The following ALPK2 variants were observed in gnomAD, a reference collection of about 807,000 sequenced individuals.
ALPK2 encodes the protein alpha kinase 2, also known as alpha-protein kinase 2.
Under a neutral mutation model 163.1 loss-of-function variants are expected in ALPK2, and 127 were observed. That is an observed-to-expected ratio of 0.78 (90% CI 0.67 to 0.90). The LOEUF (loss-of-function observed/expected upper bound fraction) is 0.90. Among genes scored for constraint, ALPK2 ranks in the 40% least tolerant of loss-of-function variants. The pLI, the probability that ALPK2 is intolerant of heterozygous loss-of-function variation, is 0.00. For missense variants in ALPK2, 2,360 were observed against 2,589.6 expected, an observed-to-expected ratio of 0.91 and a Z score of 1.92; for synonymous variants, 953 against 959.1, an observed-to-expected ratio of 0.99 and a Z score of 0.12.
At chr18:58,588,921 A>C (rs1325830550) in intron 3 of ALPK2, among the ~76,000 whole-genome samples, 1 of 152,168 alleles carries the variant, frequency 6.6e-6, no homozygotes, top group Non-Finnish European at 1.5e-5. Context: ...TTTGTAATAG[A>C]ATGATTTATA....
chr18:58,500,177 C>T (rs961469245), intron 11 of ALPK2, among the ~76,000 whole-genome samples: 2 of 150,172 alleles, frequency 1.3e-5, no homozygotes, highest in South Asian at 2.1e-4. Context: ...TTCAAAGCCG[C>T]TAATAACTCA....
intron 6 of ALPK2, 147 bp downstream of exon 6, chr18:58,528,944 T>G (rs1044334376): frequency 2.9e-5 from 28 of 961,944 alleles, no homozygotes; most frequent in Non-Finnish European, 4.2e-5. Flanking sequence ...CTTCCGATAT[T>G]TAGTCTTTTT....
intron 3 of ALPK2, among the ~76,000 whole-genome samples, chr18:58,588,273 C>T (rs1207790422): frequency 6.6e-6 from 1 of 152,152 alleles, no homozygotes; most frequent in African/African-American, 2.4e-5. Context: ...TATGGAAATG[C>T]AGAATTCTAT....
At chr18:58,483,529 CTTTATTTATTTA>C (rs144938882) in intron 12 of ALPK2, among the ~76,000 whole-genome samples, 24 of 142,848 alleles carry the variant, frequency 1.7e-4, no homozygotes, top group South Asian at 4.7e-4. Flanking sequence ...GTCCTACTCA[CTTTATTTATTTA>C]TTTATTTATT....
intron 8 of ALPK2, among the ~76,000 whole-genome samples, chr18:58,519,670 T>G (rs2051539451): frequency 6.6e-6 from 1 of 152,316 alleles, no homozygotes; most frequent in Non-Finnish European, 1.5e-5. Context: ...AAAAAAAATC[T>G]TAGACGTATT....
chr18:58,611,210 G>A (rs1034565689), intron 2 of ALPK2, among the ~76,000 whole-genome samples: 6 of 151,318 alleles, frequency 4.0e-5, no homozygotes, highest in South Asian at 2.1e-4. Context: ...CCCAGGAGGC[G>A]GGGGTGGCAG....
At position 58,580,368 on chromosome 18, in the gene ALPK2, C is replaced by A. The variant is rs9944810; in HGVS notation, c.408G>T (p.Arg136Ser). 797,029 of 1,613,814 alleles carry A rather than the reference C, an allele frequency of 0.49. 198,862 individuals carry two copies. Among genetic ancestry groups the A allele is most frequent in the East Asian group, 0.58 (26,168 of 44,862 alleles). ...GTTCCTTCTCATCAATCTGATTTGC[C>A]CTTTCTTCTTCATGTGTCCCTGTTT... ...KHETGTHEEE[R>S]ANQIDEKEHP... The change falls in exon 4 of 13, where the codon AGG becomes AGT. Residue 136 changes from arginine (R) to serine (S), a missense_variant. Transcript: ENST00000361673.
chr18:58,625,643 G>A (rs1272825802), intron 1 of ALPK2, among the ~76,000 whole-genome samples: 1 of 152,170 alleles, frequency 6.6e-6, no homozygotes, highest in Non-Finnish European at 1.5e-5. Context: ...TTAAACTAGG[G>A]GTTGAGGAGC....
intron 8 of ALPK2, 96 bp from the exon 9 acceptor site, chr18:58,517,278 C>G: frequency 7.6e-7 from 1 of 1,310,034 alleles, no homozygotes; most frequent in East Asian, 2.5e-5. Context: ...AGGACAATGA[C>G]AAGGCTGACC....
intron 4 of ALPK2, among the ~76,000 whole-genome samples, chr18:58,542,203 C>T (rs1358191164): frequency 6.6e-6 from 1 of 152,194 alleles, no homozygotes; most frequent in Non-Finnish European, 1.5e-5. Flanking sequence ...CCACGGGTAA[C>T]CTCTTTAGCT....
chr18:58,552,277 A>G (rs1417421144), intron 4 of ALPK2, among the ~76,000 whole-genome samples: 1 of 152,184 alleles, frequency 6.6e-6, no homozygotes, highest in Non-Finnish European at 1.5e-5. Context: ...GGGCGGGGGA[A>G]TATAATTTTT....
In ALPK2 at chr18:58,534,906, G is replaced by A; in HGVS notation, c.5281C>T (p.Leu1761Phe). Reference protein sequence around the residue: ...NSAFLKKMPKLETSLSHTEEK... With the variant: ...NSAFLKKMPKFETSLSHTEEK... ...TCTGTGTGTGATAATGATGTTTCGA[G>A]TTTGGGCATCTTTTTAAGAAAGGCT... The change falls in exon 5 of 13, where the codon CTC becomes TTC. Residue 1761 changes from leucine (L) to phenylalanine (F), a missense_variant. Coordinates refer to ENST00000361673, the MANE Select transcript of ALPK2 (RefSeq NM_052947.4). The A allele has an allele frequency of 6.2e-7, 1 of 1,614,108 alleles. No homozygotes were observed.
Position 58,536,785 on chromosome 18 carries a change from C to T in ALPK2, c.3402G>A (p.Lys1134=), listed in dbSNP as rs35791514. 21 of 1,614,096 alleles carry T rather than the reference C, an allele frequency of 1.3e-5. No individual in the cohort carries two copies. The highest frequency in any genetic ancestry group is 8.3e-5 in the Admixed American group (5 of 60,012). ...ACAGGCTCTGCTGCTGGACCCCCTG[C>T]TTTGTTTCACTTCCTCTTTCTTGGA... ...ENFQERGSET[K]QGVQQQSLSQ... is the part of the protein sequence containing the mutation. Residue 1134 remains lysine (K), a synonymous_variant, in exon 5 of 13, where the codon AAG becomes AAA. Coordinates refer to ENST00000361673, the MANE Select transcript of ALPK2 (RefSeq NM_052947.4).
intron 1 of ALPK2, among the ~76,000 whole-genome samples, chr18:58,624,832 G>A (rs562809084): frequency 3.9e-5 from 6 of 152,270 alleles, no homozygotes; most frequent in African/African-American, 1.4e-4. Context: ...CTATCATTTG[G>A]CTCTCCATTC....
At chr18:58,558,548 G>A (rs1200801115) in intron 4 of ALPK2, among the ~76,000 whole-genome samples, 1 of 152,202 alleles carries the variant, frequency 6.6e-6, no homozygotes, top group Non-Finnish European at 1.5e-5. Context: ...TACACATCGA[G>A]TTACCCAGCA....
At chr18:58,526,859 T>C (rs2051587473) in intron 6 of ALPK2, among the ~76,000 whole-genome samples, 1 of 152,242 alleles carries the variant, frequency 6.6e-6, no homozygotes, top group South Asian at 2.1e-4. Context: ...AACAGGATCA[T>C]TGAGGATGAT....
intron 2 of ALPK2, 45 bp downstream of exon 2, chr18:58,611,644 G>T: frequency 6.5e-7 from 1 of 1,528,932 alleles, no homozygotes; most frequent in Non-Finnish European, 9.0e-7. Context: ...AACCTGGTAT[G>T]CAGGGAGATT....
At chr18:58,524,514 A>G (rs2051573887) in intron 6 of ALPK2, among the ~76,000 whole-genome samples, 1 of 152,202 alleles carries the variant, frequency 6.6e-6, no homozygotes, top group Non-Finnish European at 1.5e-5. Flanking sequence ...GCCCCTTTGT[A>G]ATAGTGTCCT....
chr18:58,508,175 T>A (rs1425863572), intron 10 of ALPK2, among the ~76,000 whole-genome samples: 3 of 152,068 alleles, frequency 2.0e-5, no homozygotes, highest in Non-Finnish European at 4.4e-5. Context: ...CTACTAATAA[T>A]AAACAATCCC....
Sources: gnomAD v4.1 joint callset for allele counts (sites outside exome capture counted in the v4.1 genomes callset) on GRCh38, gnomAD v4.1.1 for gene constraint, MANE v1.5 for transcripts, NCBI Gene and HGNC (gene_info 2026-07-23, HGNC 2026-07-21) for gene names.